Variants in RB1CC1 observed in about 807,000 individuals in gnomAD.
RB1CC1 encodes the protein RB1 inducible coiled-coil 1.
A neutral mutation model predicts 177.5 loss-of-function variants in RB1CC1; 46 were observed. The ratio of observed to expected loss-of-function variants is 0.26; its 90% CI spans 0.20 to 0.33. RB1CC1 has a LOEUF of 0.33. Ranked by LOEUF, RB1CC1 falls within the 10% of genes least tolerant of loss-of-function variation. The pLI, the probability that RB1CC1 is intolerant of heterozygous loss-of-function variation, is 1.00. For synonymous variants in RB1CC1, 666 were observed against 613.6 expected (o/e 1.09, Z -1.26); for missense variants, 1,703 against 1,816.3 (o/e 0.94, Z 1.13).
chr8:52,713,309 A>G (rs1032877576), intron 1 of RB1CC1, among the ~76,000 whole-genome samples: 1 of 152,210 alleles, frequency 6.6e-6, no homozygotes, highest in Non-Finnish European at 1.5e-5. Flanking sequence ...GGAAACGACT[A>G]GATTACGAAA....
chr8:52,654,517 T>C (rs1176122146), intron 15 of RB1CC1, among the ~76,000 whole-genome samples: 1 of 152,196 alleles, frequency 6.6e-6, no homozygotes, highest in African/African-American at 2.4e-5. Context: ...TTTGAAGAGA[T>C]TCTTGAATCT....
In RB1CC1 at chr8:52,673,955, C is replaced by T. The variant is rs866433857; in HGVS notation, c.892G>A (p.Asp298Asn). 1.9e-6 allele frequency: 3 copies of T among 1,614,130 alleles called. No homozygotes were observed. The African/African-American group carries it at 4.0e-5, about 22-fold the overall frequency. Residue 298 changes from aspartate to asparagine, a missense_variant, in exon 7 of 24, where the codon GAT (aspartate) becomes AAT (asparagine). Asp to Asn is a conservative substitution (Grantham distance 23). Transcript: ENST00000025008. ...QQDETTIDTK[D>N]GDLPFFNVSL... ...ACATTAAAAAAGGGCAGATCACCAT[C>T]TTTAGTGTCAATCGTAGTTTCATCT...
In RB1CC1 at chr8:52,623,703, C is replaced by T; in HGVS notation, c.*79G>A. ...GACTTTTGCATAAAAAGATGGCCTG[C>T]TGTTTTTGGAGTGATGAATGAGCAC... On this transcript the variant is annotated 3_prime_UTR_variant, in exon 24 of 24. Coordinates refer to ENST00000025008, the MANE Select transcript of RB1CC1 (RefSeq NM_014781.5). 2.0e-6 allele frequency: 2 copies of T among 1,006,528 alleles called. No individual in the cohort carries two copies. Among genetic ancestry groups the T allele is most frequent in the Non-Finnish European group, 3.1e-6 (2 of 636,348 alleles). The allele number at this position is 1,006,528 out of a possible 1,614,324, so 62.3% of individuals were successfully genotyped here. A position where few individuals can be genotyped will look rare whatever the true frequency, so the allele number is the denominator to read the frequency against.
chr8:52,640,497 A>T (rs1487034929), intron 18 of RB1CC1, among the ~76,000 whole-genome samples: 2 of 152,214 alleles, frequency 1.3e-5, no homozygotes, highest in Non-Finnish European at 2.9e-5. Flanking sequence ...GTGTCAATCA[A>T]AAAAGCCTTA....
At chr8:52,713,140 AG>A (rs1293807845) in intron 1 of RB1CC1, among the ~76,000 whole-genome samples, 1 of 152,258 alleles carries the variant, frequency 6.6e-6, no homozygotes, top group Non-Finnish European at 1.5e-5. Context: ...GTTAGCAAAT[AG>A]GTACACTTTA....
rs1424963690 is a variant in RB1CC1 at position 52,661,691 on chromosome 8, T to G, written c.1202A>C (p.Glu401Ala). The change falls in exon 9 of 24, where the codon GAA becomes GCA. Residue 401 changes from glutamate to alanine, a missense_variant. By Grantham distance (107) the Glu-to-Ala change is moderately radical. Around this residue, in one of 6 missense-constraint regions of RB1CC1, gnomAD observed 20 missense variants for 58.4 expected, o/e 0.34. Coordinates refer to ENST00000025008, the MANE Select transcript of RB1CC1 (RefSeq NM_014781.5). ...QGFLANQKRA[E>A]NLKDASVLPD... ...TAATACAGATGCATCCTTTAAGTTT[T>G]CAGCTCTCTTCTGATTAGCTAAAAA... 4 of 1,591,378 alleles carry G rather than the reference T, an allele frequency of 2.5e-6. No homozygotes were observed. The highest frequency in any genetic ancestry group is 3.4e-6 in the Non-Finnish European group (4 of 1,172,524).
rs763209838 is a variant in RB1CC1, at chr8:52,642,725, G to C, written c.4075C>G (p.Gln1359Glu). The change falls in exon 17 of 24, where the codon CAG (glutamine) becomes GAG (glutamate). Residue 1359 changes from glutamine to glutamate, a missense_variant. By Grantham distance (29) the Gln-to-Glu change is conservative. Transcript: ENST00000025008. ...DLSDKLKSTM[Q>E]QQERDKDLIE... ...AAACCTTTATCCCGTTCTTGTTGCT[G>C]CATTGTACTTTTCAACTTATCACTA... 2 of 1,579,944 alleles carry C rather than the reference G, an allele frequency of 1.3e-6. No individual in the cohort carries two copies. Among genetic ancestry groups the C allele is most frequent in the Admixed American group, 2.0e-5 (1 of 50,606 alleles).
In RB1CC1 at chr8:52,662,539, C is replaced by T. The variant is rs73681531; in HGVS notation, c.1174-820G>A. 6.4e-3 allele frequency among the ~76,000 whole-genome samples: 967 copies of T among 152,092 alleles called. 12 individuals are homozygous for T. Among genetic ancestry groups the T allele is most frequent in the African/African-American group, 0.021 (876 of 41,530 alleles). On this transcript the variant is annotated intron_variant, in intron 8 of 23. Transcript: ENST00000025008. ...TTTTCCTATGCTATATACCAAGTGG[C>T]TTATATGTAATAATGTTGTAGGTTT...
At chr8:52,680,281 G>A (rs1853573472) in intron 5 of RB1CC1, among the ~76,000 whole-genome samples, 1 of 152,154 alleles carries the variant, frequency 6.6e-6, no homozygotes, top group African/African-American at 2.4e-5. Context: ...CAGAGATTTA[G>A]CTCAGGAAAT....
In RB1CC1 at chr8:52,673,715, A is replaced by G. The variant is rs550005779; in HGVS notation, c.1002+130T>C. 4.5e-5 allele frequency: 38 copies of G among 835,756 alleles called. No individual in the cohort carries two copies. In the East Asian group the frequency reaches 9.9e-4, roughly 22 times the overall value. The allele number at this position is 835,756 out of a possible 1,614,324, so 51.8% of individuals were successfully genotyped here. A position where few individuals can be genotyped will look rare whatever the true frequency, so the allele number is the denominator to read the frequency against. Reference sequence around the variant, plus strand: ...AATTAAATTGATTCAACCTATGTTAAAAGTTTCACTCCAAGACTCATTTAT... The same window carrying G: ...AATTAAATTGATTCAACCTATGTTAGAAGTTTCACTCCAAGACTCATTTAT... On this transcript the variant is annotated intron_variant, in intron 7 of 23. Coordinates refer to ENST00000025008, the MANE Select transcript of RB1CC1 (RefSeq NM_014781.5).
At chr8:52,639,864 T>C (rs1385155077) in intron 18 of RB1CC1, among the ~76,000 whole-genome samples, 1 of 152,174 alleles carries the variant, frequency 6.6e-6, no homozygotes, top group Non-Finnish European at 1.5e-5. Flanking sequence ...TAAGCTAAAA[T>C]TGTCTTCAGG....
At position 52,714,203 on chromosome 8, in the gene RB1CC1, C is replaced by T; in HGVS notation, c.-295G>A. 8.9e-6 allele frequency: 2 copies of T among 224,148 alleles called. 1 individual carries two copies. The highest frequency in any genetic ancestry group is 7.5e-5 in the South Asian group (2 of 26,540). The allele number at this position is 224,148 out of a possible 1,614,324, so 13.9% of individuals were successfully genotyped here. A position where few individuals can be genotyped will look rare whatever the true frequency, so the allele number is the denominator to read the frequency against. ...TTCGGCACCGCTAAGCCGACACAAC[C>T]GCCGGCGTCCCGGGCGCCCGCCCGC... On this transcript the variant is annotated 5_prime_UTR_variant, in exon 1 of 24. Coordinates refer to ENST00000025008, the MANE Select transcript of RB1CC1 (RefSeq NM_014781.5).
chr8:52,685,000 AC>A (rs1334656404), intron 3 of RB1CC1, among the ~76,000 whole-genome samples: 4 of 124,664 alleles, frequency 3.2e-5, no homozygotes, highest in African/African-American at 1.1e-4. Flanking sequence ...CCATTATGTG[AC>A]CTTTTTTTTT....
chr8:52,630,929 T>C (rs1198149444), intron 20 of RB1CC1, among the ~76,000 whole-genome samples: 1 of 152,202 alleles, frequency 6.6e-6, no homozygotes, highest in Non-Finnish European at 1.5e-5. Context: ...AAGGCAACTT[T>C]ACTTCTGCAG....
chr8:52,639,126 G>T (rs1849376893), intron 18 of RB1CC1, among the ~76,000 whole-genome samples: 1 of 144,968 alleles, frequency 6.9e-6, no homozygotes, highest in South Asian at 2.1e-4. Context: ...AATTTTAATT[G>T]AGTAATAGAT....
In RB1CC1 at chr8:52,636,042, T is replaced by G; in HGVS notation, c.4365A>C (p.Glu1455Asp). The G allele has an allele frequency of 6.2e-7, 1 of 1,607,672 alleles. No homozygotes were observed. The highest frequency in any genetic ancestry group is 8.5e-7 in the Non-Finnish European group (1 of 1,178,176). ...GTTCTAACAGCATTATCCGCTGTTT[T>G]TCTTCAGACAACATATGAATATTTT... Reference protein sequence around the residue: ...VQENIHMLSEEKQRIMLLERT... With the variant: ...VQENIHMLSEDKQRIMLLERT... Residue 1455 changes from glutamate (E) to aspartate (D), a missense_variant, in exon 19 of 24, where the codon GAA becomes GAC. Coordinates refer to ENST00000025008, the MANE Select transcript of RB1CC1 (RefSeq NM_014781.5).
At chr8:52,635,547 C>G (rs1238410028) in intron 19 of RB1CC1, among the ~76,000 whole-genome samples, 1 of 151,952 alleles carries the variant, frequency 6.6e-6, no homozygotes, top group Non-Finnish European at 1.5e-5. Context: ...ATAAAGGAAA[C>G]CCTTTATTAT....
At chr8:52,663,411 T>A (rs1851798851) in intron 8 of RB1CC1, among the ~76,000 whole-genome samples, 1 of 152,040 alleles carries the variant, frequency 6.6e-6, no homozygotes, top group Non-Finnish European at 1.5e-5. Flanking sequence ...ATAAATGTTG[T>A]GGTTTTAAGA....
chr8:52,707,805 C>G (rs1270308415), intron 1 of RB1CC1, among the ~76,000 whole-genome samples: 5 of 152,156 alleles, frequency 3.3e-5, no homozygotes, highest in Non-Finnish European at 2.9e-5. Flanking sequence ...GCCCACCCCT[C>G]TTAGCATGTG....
Sources: gnomAD v4.1 joint callset for allele counts (sites outside exome capture counted in the v4.1 genomes callset) on GRCh38, gnomAD v4.1.1 for gene constraint, gnomAD v4.1.1 regional missense constraint, MANE v1.5 for transcripts, NCBI Gene and HGNC (gene_info 2026-07-23, HGNC 2026-07-21) for gene names.